LGSN: variants seen among roughly 807,000 people sequenced by gnomAD.
LGSN encodes lengsin, lens protein with glutamine synthetase domain, also known as lengsin.
In LGSN, 21 loss-of-function variants were observed where a neutral mutation model predicts 19.5. The observed-to-expected ratio is 1.07, with a 90% confidence interval of 0.76 to 1.55. The LOEUF (loss-of-function observed/expected upper bound fraction) is 1.55. Ranked by LOEUF, LGSN falls within the 40% of genes most tolerant of loss-of-function variation. The pLI is 0.00. For missense variants in LGSN, 673 were observed against 608.5 expected, an observed-to-expected ratio of 1.11 and a Z score of -1.12; for synonymous variants, 257 against 215.6, an observed-to-expected ratio of 1.19 and a Z score of -1.68.
At chr6:63,421,594 G>A in the LGSN span, among the ~76,000 whole-genome samples, 4 of 151,966 alleles carry the variant, frequency 2.6e-5, no homozygotes, top group African/African-American at 4.8e-5. Flanking sequence ...TGGGTGTGGT[G>A]GCACGTGCCT....
the LGSN span, among the ~76,000 whole-genome samples, chr6:63,339,916 C>T: frequency 1.2e-4 from 18 of 152,166 alleles, no homozygotes; most frequent in South Asian, 3.1e-3. Flanking sequence ...AGATGTAGGA[C>T]TCCCATAAGC....
At chr6:63,298,757 C>A (rs995174502) in intron 1 of LGSN, among the ~76,000 whole-genome samples, 8 of 152,160 alleles carry the variant, frequency 5.3e-5, no homozygotes, top group African/African-American at 1.9e-4. Context: ...AAATAAACAA[C>A]ACCAACACCA....
the LGSN span, among the ~76,000 whole-genome samples, chr6:63,465,165 T>C: frequency 1.5e-4 from 23 of 152,272 alleles, no homozygotes; most frequent in Admixed American, 1.2e-3. Flanking sequence ...CGCGTCTATT[T>C]CCTTTTCGTT....
intron 1 of LGSN, among the ~76,000 whole-genome samples, chr6:63,296,231 A>G (rs1767972398): frequency 6.6e-6 from 1 of 152,056 alleles, no homozygotes; most frequent in African/African-American, 2.4e-5. Context: ...TTAAAGTTTC[A>G]CTTATTAGAA....
At chr6:63,406,510 T>A in the LGSN span, among the ~76,000 whole-genome samples, 1 of 148,946 alleles carries the variant, frequency 6.7e-6, no homozygotes, top group Non-Finnish European at 1.5e-5. Context: ...CCAGAATCTC[T>A]GGGACACATT....
At chr6:63,401,195 C>T in the LGSN span, among the ~76,000 whole-genome samples, 1,511 of 151,030 alleles carry the variant, frequency 0.01, 28 homozygotes, top group African/African-American at 0.035. Context: ...GGATTTCAAA[C>T]AAGCCTGGGT....
chr6:63,361,095 C>T, the LGSN span, among the ~76,000 whole-genome samples: 1 of 152,230 alleles, frequency 6.6e-6, no homozygotes, highest in African/African-American at 2.4e-5. Context: ...TTAGGCTACT[C>T]GAGGGTCAGG....
the LGSN span, among the ~76,000 whole-genome samples, chr6:63,331,106 C>A: frequency 6.6e-6 from 1 of 152,182 alleles, no homozygotes; most frequent in Non-Finnish European, 1.5e-5. Flanking sequence ...TTGGAGATTT[C>A]TTTGCTTATT....
chr6:63,467,403 T>C, the LGSN span, among the ~76,000 whole-genome samples: 1 of 152,124 alleles, frequency 6.6e-6, no homozygotes. Flanking sequence ...ACACAATCAG[T>C]GTATTTGCTA....
rs527254483 is a variant in LGSN at position 63,280,548 on chromosome 6, C to T, written c.1003G>A (p.Glu335Lys). Residue 335 changes from glutamate to lysine, a missense_variant, in exon 4 of 4, where the codon GAG becomes AAG. Physicochemically the swap from Glu to Lys is moderately conservative, Grantham distance 56 (BLOSUM62 1). Transcript: ENST00000370657. ...TTTTTCCCAGTGATCGTGAGCTGCT[C>T]AGTTCCAGAAGTGCTGCAGAACATG... is the stretch of plus-strand genomic sequence containing the variant. ...KNMFCSTSGT[E>K]QLTITGKKWL... The T allele has an allele frequency of 6.2e-6, 10 of 1,613,968 alleles. No individual in the cohort carries two copies. Among genetic ancestry groups the T allele is most frequent in the African/African-American group, 4.0e-5 (3 of 74,922 alleles).
chr6:63,446,853 C>T, the LGSN span, among the ~76,000 whole-genome samples: 1 of 152,146 alleles, frequency 6.6e-6, no homozygotes, highest in African/African-American at 2.4e-5. Flanking sequence ...AGTTTGAGAC[C>T]AGCCTGCCCA....
the LGSN span, among the ~76,000 whole-genome samples, chr6:63,401,274 C>T: frequency 2.0e-5 from 3 of 151,638 alleles, no homozygotes; most frequent in Non-Finnish European, 4.4e-5. Context: ...GTGGCACATG[C>T]CTGTGATCCC....
intron 1 of LGSN, among the ~76,000 whole-genome samples, chr6:63,315,056 C>A (rs1284269765): frequency 6.6e-6 from 1 of 152,146 alleles, no homozygotes; most frequent in Non-Finnish European, 1.5e-5. Flanking sequence ...GAAGTCAAGT[C>A]AGGAAAGGAT....
chr6:63,390,710 G>T, the LGSN span, among the ~76,000 whole-genome samples: 7 of 151,008 alleles, frequency 4.6e-5, no homozygotes, highest in Non-Finnish European at 1.0e-4. Flanking sequence ...CAAAAAAAAA[G>T]TAGCCGGGCG....
chr6:63,387,440 T>TTA, the LGSN span, among the ~76,000 whole-genome samples: 132 of 152,286 alleles, frequency 8.7e-4, 2 homozygotes, highest in Admixed American at 2.4e-3. Context: ...ATTTAAGAGA[T>TTA]TATATAAAGT....
chr6:63,338,093 C>T, the LGSN span, among the ~76,000 whole-genome samples: 1 of 152,042 alleles, frequency 6.6e-6, no homozygotes, highest in Non-Finnish European at 1.5e-5. Flanking sequence ...ACCATCTTGG[C>T]CAGGCTGCTC....
chr6:63,354,921 A>G, the LGSN span, among the ~76,000 whole-genome samples: 8 of 143,262 alleles, frequency 5.6e-5, no homozygotes, highest in Admixed American at 1.4e-4. Context: ...TATATGGGAG[A>G]AAAAAAAAAA....
chr6:63,510,188 G>A, the LGSN span, among the ~76,000 whole-genome samples: 2 of 152,146 alleles, frequency 1.3e-5, no homozygotes, highest in Non-Finnish European at 2.9e-5. Flanking sequence ...CATAAAGTAT[G>A]TCATTGCCGC....
the LGSN span, among the ~76,000 whole-genome samples, chr6:63,371,190 T>G: frequency 6.6e-6 from 1 of 152,216 alleles, no homozygotes; most frequent in South Asian, 2.1e-4. Context: ...CAGACAAATC[T>G]AAGTAGTTAA....
Sources: gnomAD v4.1 joint callset for allele counts (sites outside exome capture counted in the v4.1 genomes callset) on GRCh38, gnomAD v4.1.1 for gene constraint, MANE v1.5 for transcripts, NCBI Gene and HGNC (gene_info 2026-07-23, HGNC 2026-07-21) for gene names.